The following NCKIPSD variants were observed in gnomAD, a reference collection of about 807,000 sequenced individuals.
The protein encoded by NCKIPSD is NCK interacting protein with SH3 domain.
Under a neutral mutation model 73.4 loss-of-function variants are expected in NCKIPSD, and 48 were observed. The ratio of observed to expected loss-of-function variants is 0.65; its 90% CI spans 0.52 to 0.83. The LOEUF is 0.83. Ranked by LOEUF, NCKIPSD falls within the 40% of genes least tolerant of loss-of-function variation. The pLI, the probability that NCKIPSD is intolerant of heterozygous loss-of-function variation, is 0.00. For missense variants in NCKIPSD, 884 were observed against 970.2 expected, an observed-to-expected ratio of 0.91 and a Z score of 1.18; for synonymous variants, 422 against 403.6, an observed-to-expected ratio of 1.05 and a Z score of -0.54.
chr3:48,676,952 G>A (rs946018820), intron 12 of NCKIPSD, among the ~76,000 whole-genome samples: 3 of 150,534 alleles, frequency 2.0e-5, no homozygotes, highest in Non-Finnish European at 4.4e-5. Flanking sequence ...TGTATTTTTC[G>A]TATTTTGTAT....
Position 48,674,393 on chromosome 3 carries a change from T to C in NCKIPSD, c.*151A>G. On this transcript the variant is annotated 3_prime_UTR_variant, in exon 13 of 13. Coordinates refer to ENST00000294129, the MANE Select transcript of NCKIPSD (RefSeq NM_016453.4). ...GGTCCCCAATCCTACACTTGGCCCC[T>C]CTCTTAAGTTCTACTTCAGGTGGGG... 1 of 1,450,380 alleles carries C rather than the reference T, an allele frequency of 6.9e-7. No homozygotes were observed. Among genetic ancestry groups the C allele is most frequent in the Non-Finnish European group, 9.1e-7 (1 of 1,102,266 alleles). The allele number at this position is 1,450,380 out of a possible 1,614,324, so 89.8% of individuals were successfully genotyped here. A position where few individuals can be genotyped will look rare whatever the true frequency, so the allele number is the denominator to read the frequency against.
Position 48,681,550 on chromosome 3 carries a change from C to T in NCKIPSD, c.829G>A (p.Ala277Thr). 1.2e-6 allele frequency: 2 copies of T among 1,614,100 alleles called. No individual in the cohort carries two copies. Among genetic ancestry groups the T allele is most frequent in the Non-Finnish European group, 1.7e-6 (2 of 1,180,024 alleles). The part of the protein sequence containing the change: ...APEPPAEEEV[A>T]TGTTSASDDL... ...TCAGAGGCTGAGGTTGTACCAGTTG[C>T]CACTTCTTCTTCTGCAGGGGGTTCA... The change falls in exon 5 of 13, where the codon GCA becomes ACA. Residue 277 changes from alanine (A) to threonine (T), a missense_variant. Ala to Thr is a moderately conservative substitution (Grantham distance 58). Coordinates refer to ENST00000294129, the MANE Select transcript of NCKIPSD (RefSeq NM_016453.4).
chr3:48,684,988 G>A (rs940107262), intron 1 of NCKIPSD, among the ~76,000 whole-genome samples: 10 of 151,884 alleles, frequency 6.6e-5, no homozygotes, highest in Admixed American at 6.6e-4. Context: ...AGCTTAGAGG[G>A]TGGCTGAACA....
intron 2 of NCKIPSD, 122 bp downstream of exon 2, chr3:48,682,780 AT>A (rs2077376565): frequency 7.2e-7 from 1 of 1,389,554 alleles, no homozygotes; most frequent in African/African-American, 1.4e-5. Context: ...GGGAGGTGCC[AT>A]TCCCCCACCA....
At position 48,681,965 on chromosome 3, in the gene NCKIPSD, C is replaced by G. The variant is rs891478407; in HGVS notation, c.598+80G>C. The stretch of plus-strand genomic sequence containing the variant: ...TGTCCTCTTCCCCAGCTTAGAGCCT[C>G]CATTTCCCTGACACAGGCAGCACAA... On this transcript the variant is annotated intron_variant, in intron 4 of 12. Transcript: ENST00000294129. The G allele has an allele frequency of 5.3e-6, 8 of 1,522,764 alleles. No homozygotes were observed. In the African/African-American group the frequency reaches 1.1e-4, roughly 21 times the overall value. The allele number at this position is 1,522,764 out of a possible 1,614,324, so 94.3% of individuals were successfully genotyped here.
chr3:48,680,023 C>T, intron 6 of NCKIPSD, 36 bp downstream of exon 6: 2 of 1,603,452 alleles, frequency 1.2e-6, no homozygotes, highest in Non-Finnish European at 1.7e-6. Context: ...GCCACTGTTC[C>T]CCATGTGGGG....
intron 1 of NCKIPSD, 91 bp downstream of exon 1, chr3:48,685,546 G>A (rs919662939): frequency 1.4e-6 from 2 of 1,406,350 alleles, no homozygotes; most frequent in Admixed American, 2.8e-5. Flanking sequence ...TCGGGTCCCG[G>A]AGAGGGTGGG....
At chr3:48,682,730 C>T in intron 2 of NCKIPSD, 173 bp downstream of exon 2, 4 of 1,133,738 alleles carry the variant, frequency 3.5e-6, no homozygotes, top group Non-Finnish European at 1.3e-6. Flanking sequence ...TCTGCACACC[C>T]CTGGTGCTCA....
At chr3:48,675,538 T>TAC (rs2077242663) in intron 12 of NCKIPSD, among the ~76,000 whole-genome samples, 1 of 141,874 alleles carries the variant, frequency 7.0e-6, no homozygotes, top group Non-Finnish European at 1.5e-5. Context: ...GATATATATA[T>TAC]ATATATATCA....
chr3:48,681,865 C>G, intron 4 of NCKIPSD, 85 bp from the exon 5 acceptor site: 1 of 1,460,590 alleles, frequency 6.8e-7, no homozygotes, highest in South Asian at 1.4e-5. Flanking sequence ...TCCCCTAACA[C>G]AGGGCCTAGT....
intron 12 of NCKIPSD, among the ~76,000 whole-genome samples, chr3:48,675,790 C>G (rs1008753355): frequency 6.6e-6 from 1 of 151,954 alleles, no homozygotes; most frequent in African/African-American, 2.4e-5. Flanking sequence ...AAGTGATCCA[C>G]CCACCTCGGC....
Position 48,678,893 on chromosome 3 carries a change from C to T in NCKIPSD, c.1776G>A (p.Leu592=). The change falls in exon 11 of 13, where the codon TTG becomes TTA. Residue 592 remains leucine, a synonymous_variant. Transcript: ENST00000294129. ...GGCCCTCACCCCCTCTGTTCAGGAG[C>T]AACAACAGCTTCTCGGAGAAGATCT... ...NVKIFSEKLL[L]LLNRGDDPVR... is the part of the protein sequence containing the mutation. 6.2e-7 allele frequency: 1 copy of T among 1,613,956 alleles called. No individual in the cohort carries two copies. The highest frequency in any genetic ancestry group is 8.5e-7 in the Non-Finnish European group (1 of 1,179,996).
In NCKIPSD at chr3:48,673,989, G is replaced by A; in HGVS notation, c.*555C>T. On this transcript the variant is annotated 3_prime_UTR_variant, in exon 13 of 13. Transcript: ENST00000294129. ...ATCATCCTGTTCCATGAGGCTCCAG[G>A]ATGGATGGCCTGTCTCCAAGATCCC... The A allele has an allele frequency of 2.8e-6, 3 of 1,071,246 alleles. No homozygotes were observed. The highest frequency in any genetic ancestry group is 3.4e-6 in the Non-Finnish European group (3 of 882,206). 66.4% of individuals were successfully genotyped at this position (1,071,246 alleles called of 1,614,324 possible).
chr3:48,681,936 G>C, intron 4 of NCKIPSD, 109 bp downstream of exon 4: 1 of 1,478,596 alleles, frequency 6.8e-7, no homozygotes, highest in Non-Finnish European at 9.1e-7. Flanking sequence ...CAAAATGGGA[G>C]TCCTGTCCTC....
chr3:48,679,802 A>G lies in NCKIPSD; in HGVS notation c.1349T>C (p.Met450Thr). The G allele has an allele frequency of 6.2e-7, 1 of 1,614,088 alleles. No homozygotes were observed. The highest frequency in any genetic ancestry group is 8.5e-7 in the Non-Finnish European group (1 of 1,179,996). Residue 450 changes from methionine to threonine, a missense_variant and splice_region_variant, in exon 7 of 13, where the codon ATG (methionine) becomes ACG (threonine). Met to Thr is a moderately conservative substitution (Grantham distance 81). Coordinates refer to ENST00000294129, the MANE Select transcript of NCKIPSD (RefSeq NM_016453.4). ...SVLALVAYYQMEHRASLRLLL... is the reference protein window; with the variant it reads ...SVLALVAYYQTEHRASLRLLL... ...CCCTCCCCTCCATCCTGCACATACC[A>G]TTTGGTAATAGGCCACCAAGGCCAG...
In NCKIPSD at chr3:48,685,665, A is replaced by C; in HGVS notation, c.143T>G (p.Val48Gly). The change falls in exon 1 of 13, where the codon GTG (valine) becomes GGG (glycine). Residue 48 changes from valine to glycine, a missense_variant. Val to Gly is a moderately radical substitution (Grantham distance 109). Coordinates refer to ENST00000294129, the MANE Select transcript of NCKIPSD (RefSeq NM_016453.4). The part of the protein sequence containing the change: ...ARARSGETGY[V>G]PPAYLRRLQG... ...CAGGCGGCGCAGGTAGGCTGGCGGC[A>C]CGTAGCCCGTCTCACCACTGCGCGC... 1 of 1,525,876 alleles carries C rather than the reference A, an allele frequency of 6.6e-7. No homozygotes were observed. The highest frequency in any genetic ancestry group is 8.8e-7 in the Non-Finnish European group (1 of 1,142,628). The allele number at this position is 1,525,876 out of a possible 1,614,324, so 94.5% of individuals were successfully genotyped here. A position where few individuals can be genotyped will look rare whatever the true frequency, so the allele number is the denominator to read the frequency against.
chr3:48,674,732 G>A lies in NCKIPSD; in HGVS notation c.1981C>T (p.Leu661Phe). 6.2e-7 allele frequency: 1 copy of A among 1,613,912 alleles called. No homozygotes were observed. Residue 661 changes from leucine to phenylalanine, a missense_variant, in exon 13 of 13, where the codon CTC becomes TTC. Physicochemically the swap from Leu to Phe is conservative, Grantham distance 22. Transcript: ENST00000294129. ...CGGACTATAGCATGCATCAGGGAGA[G>A]GTACTCCATGCGCAGCTGTGGGAAG... ...SPGDKLRMEY[L>F]SLMHAIVRTT...
At position 48,679,104 on chromosome 3, in the gene NCKIPSD, C is replaced by A. The variant is rs76815705; in HGVS notation, c.1650G>T (p.Leu550=). ...DGLPLDTTEQ[L]PDLCVNLLLA... ...GAAGCAGGTTCACGCAGAGGTCCGG[C>A]AGCTGCTCTGTGGTGTCCAAGGGCA... Residue 550 remains leucine, a synonymous_variant, in exon 10 of 13, where the codon CTG becomes CTT. Transcript: ENST00000294129. The A allele has an allele frequency of 0.012, 19,125 of 1,614,116 alleles. 153 individuals are homozygous for A. The highest frequency in any genetic ancestry group is 0.016 in the South Asian group (1,474 of 91,078).
chr3:48,679,722 G>T lies in NCKIPSD; in HGVS notation c.1351-9C>A, dbSNP rs200095661. 3 of 1,614,134 alleles carry T rather than the reference G, an allele frequency of 1.9e-6. No individual in the cohort carries two copies. The African/African-American group carries it at 4.0e-5, about 22-fold the overall frequency. On this transcript the variant is annotated splice_polypyrimidine_tract_variant and intron_variant, in intron 7 of 12. Transcript: ENST00000294129. ...AGTGATGCTCGGTGTTCCTGGCAGG[G>T]AACCCTGCGTGCTCAGTGCCTGGAA...
Sources: allele counts gnomAD v4.1 joint callset (sites outside exome capture counted in the v4.1 genomes callset), GRCh38; gene constraint gnomAD v4.1.1; transcripts MANE v1.5; gene names NCBI Gene and HGNC (gene_info 2026-07-23, HGNC 2026-07-21).